The following ME2 variants were observed in gnomAD, a reference collection of about 807,000 sequenced individuals.
The protein encoded by ME2 is malic enzyme 2, also known as NAD-dependent malic enzyme, mitochondrial.
Under a neutral mutation model 73.7 loss-of-function variants are expected in ME2, and 60 were observed. The ratio of observed to expected loss-of-function variants is 0.81; its 90% CI spans 0.66 to 1.01. The LOEUF is 1.01. Ranked by LOEUF, ME2 falls within the 50% of genes least tolerant of loss-of-function variation. ME2 has a pLI of 0.00. For synonymous variants in ME2, 199 were observed against 236.9 expected (o/e 0.84, Z 1.47); for missense variants, 594 against 705.5 (o/e 0.84, Z 1.79).
At chr18:50,884,930 C>G (rs1916420296) in intron 1 of ME2, among the ~76,000 whole-genome samples, 1 of 152,120 alleles carries the variant, frequency 6.6e-6, no homozygotes, top group South Asian at 2.1e-4. Context: ...TCTCGGCTCA[C>G]TGCAGCCGCC....
At chr18:50,917,617 A>ATT (rs201408498) in intron 6 of ME2, 109 bp downstream of exon 6, 32 of 711,320 alleles carry the variant, frequency 4.5e-5, no homozygotes, top group Non-Finnish European at 5.2e-5. Context: ...TTATGATTAG[A>ATT]TTTTTTTTTC....
At chr18:50,897,121 G>A (rs1202817304) in intron 2 of ME2, among the ~76,000 whole-genome samples, 2 of 152,082 alleles carry the variant, frequency 1.3e-5, no homozygotes, top group African/African-American at 4.8e-5. Context: ...GTGTTGCTTT[G>A]TGCTTCTTTT....
rs759651947 is a variant in ME2 at position 50,920,506 on chromosome 18, C to T, written c.785C>T (p.Ala262Val). The change falls in exon 8 of 16, where the codon GCA becomes GTA. Residue 262 changes from alanine to valine, a missense_variant. Transcript: ENST00000321341. ...IQFEDFGNHN[A>V]FRFLRKYREK... ...TTCGAAGACTTTGGAAATCATAATG[C>T]ATTCAGGTTCTTGAGAAAGTACCGA... 1 of 1,600,260 alleles carries T rather than the reference C, an allele frequency of 6.2e-7. No homozygotes were observed. Among genetic ancestry groups the T allele is most frequent in the Non-Finnish European group, 8.5e-7 (1 of 1,176,952 alleles).
At chr18:50,885,009 C>G (rs1320363060) in intron 1 of ME2, among the ~76,000 whole-genome samples, 1 of 152,150 alleles carries the variant, frequency 6.6e-6, no homozygotes, top group African/African-American at 2.4e-5. Context: ...CGCCGGTCAC[C>G]ACACCCAGCT....
intron 1 of ME2, among the ~76,000 whole-genome samples, chr18:50,890,433 G>A (rs1032716071): frequency 5.3e-5 from 8 of 152,142 alleles, no homozygotes; most frequent in Non-Finnish European, 8.8e-5. Context: ...TATTATTAAA[G>A]TGAATTTTAA....
chr18:50,888,515 C>T (rs1044773308), intron 1 of ME2, among the ~76,000 whole-genome samples: 3 of 152,070 alleles, frequency 2.0e-5, no homozygotes, highest in South Asian at 2.1e-4. Context: ...CCCTGGACTA[C>T]GACTGGTAAG....
rs1366542401 is a variant in ME2 at position 50,952,942 on chromosome 18, G to A, written c.*5758G>A. On this transcript the variant is annotated 3_prime_UTR_variant, in exon 16 of 16. Transcript: ENST00000321341. ...TTACAGACAGAGACAGAGGCACAGA[G>A]AGGTTAAATGACTTGTCAAAGGTCT... 1 of 152,142 alleles carries A rather than the reference G, an allele frequency of 6.6e-6. No individual in the cohort carries two copies. Among genetic ancestry groups the A allele is most frequent in the Non-Finnish European group, 1.5e-5 (1 of 68,026 alleles). The allele number at this position is 152,142 out of a possible 1,614,324, so 9.4% of individuals were successfully genotyped here. A position where few individuals can be genotyped will look rare whatever the true frequency, so the allele number is the denominator to read the frequency against.
chr18:50,892,614 ATATCT>A (rs1256051699), intron 1 of ME2, among the ~76,000 whole-genome samples: 12 of 152,138 alleles, frequency 7.9e-5, no homozygotes, highest in African/African-American at 2.9e-4. Context: ...ATCCTATTAC[ATATCT>A]TAACTTATTA....
chr18:50,941,353 C>CTT (rs57428974), intron 15 of ME2, among the ~76,000 whole-genome samples: 733 of 63,834 alleles, frequency 0.011, 144 homozygotes, highest in African/African-American at 0.03. Context: ...GTGATGGTTT[C>CTT]TTTTTTTTTT....
chr18:50,904,882 T>G (rs961106813), intron 2 of ME2, among the ~76,000 whole-genome samples: 10 of 152,190 alleles, frequency 6.6e-5, no homozygotes, highest in Non-Finnish European at 8.8e-5. Flanking sequence ...TGGGAAGTTT[T>G]GGGGCATTAT....
chr18:50,938,439 T>G (rs1351393546), intron 13 of ME2, among the ~76,000 whole-genome samples: 1 of 152,234 alleles, frequency 6.6e-6, no homozygotes, highest in African/African-American at 2.4e-5. Context: ...GGAAGCTAGA[T>G]GGTATTGGAA....
chr18:50,926,805 G>A (rs1240881240), intron 12 of ME2, among the ~76,000 whole-genome samples: 3 of 152,082 alleles, frequency 2.0e-5, no homozygotes, highest in African/African-American at 7.2e-5. Flanking sequence ...TTTAGTTGCT[G>A]TATTTTTTCA....
At position 50,903,320 on chromosome 18, in the gene ME2, A is replaced by G. The variant is rs536973496; in HGVS notation, c.109-4743A>G. Among the ~76,000 whole-genome samples the G allele has an allele frequency of 2.3e-3, 344 of 152,350 alleles. 5 individuals carry two copies. Among genetic ancestry groups the G allele is most frequent in the Non-Finnish European group, 3.2e-3 (216 of 68,030 alleles). ...AACATAAATATCTATACATAAAATT[A>G]TTTAATCATTTTATTTTTTACTCTG... On this transcript the variant is annotated intron_variant, in intron 2 of 15. Coordinates refer to ENST00000321341, the MANE Select transcript of ME2 (RefSeq NM_002396.5).
At chr18:50,903,699 C>G (rs535233528) in intron 2 of ME2, among the ~76,000 whole-genome samples, 1 of 152,188 alleles carries the variant, frequency 6.6e-6, no homozygotes, top group Non-Finnish European at 1.5e-5. Context: ...TCTATCCGTG[C>G]TGGCATCCCA....
rs983211637 is a variant in ME2 at position 50,953,012 on chromosome 18, A to G, written c.*5828A>G. On this transcript the variant is annotated 3_prime_UTR_variant, in exon 16 of 16. Coordinates refer to ENST00000321341, the MANE Select transcript of ME2 (RefSeq NM_002396.5). ...TGGGTTTTTAGCTCAAACCCCTCTC[A>G]GTGAAGAAAGCCTTCTGTGTAGGCA... 2 of 151,794 alleles carry G rather than the reference A, an allele frequency of 1.3e-5. No homozygotes were observed. The highest frequency in any genetic ancestry group is 2.9e-5 in the Non-Finnish European group (2 of 67,982). The allele number at this position is 151,794 out of a possible 1,614,324, so 9.4% of individuals were successfully genotyped here.
At chr18:50,941,091 C>T (rs1223663925) in intron 15 of ME2, among the ~76,000 whole-genome samples, 1 of 151,418 alleles carries the variant, frequency 6.6e-6, no homozygotes. Context: ...AACCCCGTCT[C>T]TACTAAAAAT....
At chr18:50,919,666 C>T (rs1917374523) in intron 7 of ME2, among the ~76,000 whole-genome samples, 3 of 152,044 alleles carry the variant, frequency 2.0e-5, no homozygotes, top group African/African-American at 7.2e-5. Flanking sequence ...TTGCTTCTGC[C>T]ACTCCCGTCT....
chr18:50,913,885 A>G (rs1329323930), intron 4 of ME2, among the ~76,000 whole-genome samples: 6 of 152,036 alleles, frequency 3.9e-5, no homozygotes, highest in African/African-American at 1.2e-4. Flanking sequence ...ACACACACAC[A>G]CACACATATG....
intron 7 of ME2, 32 bp from the exon 8 acceptor site, chr18:50,920,424 A>C: frequency 7.1e-7 from 1 of 1,411,528 alleles, no homozygotes; most frequent in Admixed American, 2.1e-5. Context: ...TGTTATTTTC[A>C]ACACAACTAT....
Sources: allele counts gnomAD v4.1 joint callset (sites outside exome capture counted in the v4.1 genomes callset), GRCh38; gene constraint gnomAD v4.1.1; transcripts MANE v1.5; gene names NCBI Gene and HGNC (gene_info 2026-07-23, HGNC 2026-07-21).